PDGFRL: variants seen among roughly 807,000 people sequenced by gnomAD.
PDGFRL encodes the protein platelet derived growth factor receptor like, also known as platelet-derived growth factor receptor-like protein.
A neutral mutation model predicts 37.2 loss-of-function variants in PDGFRL; 46 were observed. The observed-to-expected ratio is 1.24, with a 90% CI of 0.98 to 1.58. The LOEUF (loss-of-function observed/expected upper bound fraction) is 1.58. Among genes scored for constraint, PDGFRL ranks in the 40% most tolerant of loss-of-function variants. The pLI, the probability that PDGFRL is intolerant of heterozygous loss-of-function variation, is 0.00. For synonymous variants in PDGFRL, 251 were observed against 184.3 expected, an observed-to-expected ratio of 1.36 and a Z score of -2.93; for missense variants, 692 against 467.6, an observed-to-expected ratio of 1.48 and a Z score of -4.43.
intron 1 of PDGFRL, among the ~76,000 whole-genome samples, chr8:17,577,789 T>A (rs759623042): frequency 2.3e-4 from 35 of 151,460 alleles, no homozygotes; most frequent in Non-Finnish European, 4.4e-4. Context: ...GTTCTGGGCG[T>A]GTTTTCGTCT....
chr8:17,615,243 C>T (rs1182719513), intron 2 of PDGFRL, among the ~76,000 whole-genome samples: 3 of 152,004 alleles, frequency 2.0e-5, no homozygotes, highest in African/African-American at 4.8e-5. Flanking sequence ...AACAGTGTAC[C>T]GTTTCTACTA....
intron 2 of PDGFRL, among the ~76,000 whole-genome samples, chr8:17,617,211 G>C (rs906964626): frequency 7.2e-5 from 11 of 152,300 alleles, no homozygotes; most frequent in East Asian, 5.8e-4. Flanking sequence ...CTGTGGGTCA[G>C]GGCTAGAACT....
intron 5 of PDGFRL, among the ~76,000 whole-genome samples, chr8:17,638,770 TATATATATATATATATAA>T (rs1221561623): frequency 1.7e-5 from 2 of 118,266 alleles, no homozygotes; most frequent in African/African-American, 7.5e-5. Context: ...TATATATATA[TATATATATATATATATAA>T]TTGTGATATT....
chr8:17,626,211 T>C (rs564777451), intron 3 of PDGFRL, among the ~76,000 whole-genome samples: 16 of 152,300 alleles, frequency 1.1e-4, no homozygotes, highest in East Asian at 3.9e-4. Flanking sequence ...AATGTGGACA[T>C]TGAAGCATGA....
chr8:17,601,859 C>T (rs187525303), intron 2 of PDGFRL, among the ~76,000 whole-genome samples: 1 of 152,296 alleles, frequency 6.6e-6, no homozygotes, highest in East Asian at 1.9e-4. Flanking sequence ...TTTCTTTATG[C>T]AGTCTACTAT....
In PDGFRL at chr8:17,611,154, C is replaced by T. The variant is rs536052794; in HGVS notation, c.354-9897C>T. Reference sequence around the variant, plus strand: ...ATTCCCAGCTCTGCCTCTAGCTGGCCTTGTAACCTTGGATGAGTCAGTTCA... The same window carrying T: ...ATTCCCAGCTCTGCCTCTAGCTGGCTTTGTAACCTTGGATGAGTCAGTTCA... On this transcript the variant is annotated intron_variant, in intron 2 of 5. Transcript: ENST00000251630. 7.9e-5 allele frequency among the ~76,000 whole-genome samples: 12 copies of T among 152,316 alleles called. No individual in the cohort carries two copies. The South Asian group carries it at 2.3e-3, about 29-fold the overall frequency.
chr8:17,634,576 C>G (rs956404954), intron 5 of PDGFRL, among the ~76,000 whole-genome samples: 1 of 151,950 alleles, frequency 6.6e-6, no homozygotes, highest in Non-Finnish European at 1.5e-5. Context: ...CCTAAATGCC[C>G]TTCAATGGTA....
At chr8:17,605,441 C>T (rs1257709841) in intron 2 of PDGFRL, among the ~76,000 whole-genome samples, 1 of 152,062 alleles carries the variant, frequency 6.6e-6, no homozygotes, top group Admixed American at 6.6e-5. Context: ...CTGAATAACC[C>T]CTGCTGGGAG....
upstream of PDGFRL, chr8:17,576,688 C>G: frequency 1.0e-6 from 1 of 984,132 alleles, no homozygotes; most frequent in Non-Finnish European, 1.2e-6. Flanking sequence ...CCAGCAGTTA[C>G]AGGGCTGGGT....
chr8:17,619,509 C>G (rs1433709922), intron 2 of PDGFRL, among the ~76,000 whole-genome samples: 2 of 152,202 alleles, frequency 1.3e-5, no homozygotes, highest in South Asian at 4.2e-4. Flanking sequence ...GAGGAAAAGT[C>G]GAAATGCCCA....
At chr8:17,595,975 C>G (rs576140641) in intron 2 of PDGFRL, among the ~76,000 whole-genome samples, 1 of 152,348 alleles carries the variant, frequency 6.6e-6, no homozygotes, top group East Asian at 1.9e-4. Flanking sequence ...TGGGTGAAAC[C>G]TGGGAGTCCT....
At chr8:17,627,333 T>C (rs980782166) in intron 3 of PDGFRL, among the ~76,000 whole-genome samples, 1 of 151,992 alleles carries the variant, frequency 6.6e-6, no homozygotes, top group Non-Finnish European at 1.5e-5. Flanking sequence ...TAAAATCCAA[T>C]GTGCTTGTCT....
intron 2 of PDGFRL, among the ~76,000 whole-genome samples, chr8:17,618,710 A>T (rs533500664): frequency 1.4e-4 from 22 of 152,162 alleles, no homozygotes; most frequent in African/African-American, 5.3e-4. Context: ...CACTGGTTTA[A>T]CTCAATTCGC....
At chr8:17,596,964 G>C (rs1192294214) in intron 2 of PDGFRL, among the ~76,000 whole-genome samples, 1 of 152,176 alleles carries the variant, frequency 6.6e-6, no homozygotes, top group South Asian at 2.1e-4. Flanking sequence ...GGCTATGACA[G>C]TGTTGGGTTT....
chr8:17,623,053 C>T (rs1482097623), intron 3 of PDGFRL, among the ~76,000 whole-genome samples: 1 of 152,182 alleles, frequency 6.6e-6, no homozygotes. Flanking sequence ...CTGCCTCTAT[C>T]AGTTTCATTC....
At chr8:17,603,603 G>C (rs1387999838) in intron 2 of PDGFRL, among the ~76,000 whole-genome samples, 5 of 152,068 alleles carry the variant, frequency 3.3e-5, no homozygotes, top group Admixed American at 6.6e-5. Flanking sequence ...TCTGTTTCTT[G>C]ACTCCTCTGC....
At chr8:17,636,488 G>C (rs927033695) in intron 5 of PDGFRL, among the ~76,000 whole-genome samples, 2 of 151,562 alleles carry the variant, frequency 1.3e-5, no homozygotes, top group Non-Finnish European at 2.9e-5. Flanking sequence ...TTTTATACCA[G>C]TACCATGCTG....
At chr8:17,589,943 A>T (rs928563334) in intron 2 of PDGFRL, among the ~76,000 whole-genome samples, 178 bp downstream of exon 2, 1 of 152,018 alleles carries the variant, frequency 6.6e-6, no homozygotes, top group South Asian at 2.1e-4. Context: ...AGTTAATAAC[A>T]ATTGCAGGCC....
At chr8:17,595,143 A>G (rs1433604969) in intron 2 of PDGFRL, among the ~76,000 whole-genome samples, 2 of 152,114 alleles carry the variant, frequency 1.3e-5, no homozygotes, top group East Asian at 3.9e-4. Flanking sequence ...ATGGAGGGAC[A>G]GCCCCACATG....
Sources: gnomAD v4.1 joint callset for allele counts (sites outside exome capture counted in the v4.1 genomes callset) on GRCh38, gnomAD v4.1.1 for gene constraint, MANE v1.5 for transcripts, NCBI Gene and HGNC (gene_info 2026-07-23, HGNC 2026-07-21) for gene names.